The following DNAAF11 variants were observed in gnomAD, a reference collection of about 807,000 sequenced individuals.
DNAAF11 encodes the protein leucine rich repeat containing 6.
A neutral mutation model predicts 60.8 loss-of-function variants in DNAAF11; 45 were observed. The ratio of observed to expected loss-of-function variants is 0.74; its 90% CI spans 0.58 to 0.95. The LOEUF (loss-of-function observed/expected upper bound fraction) is 0.95, where lower values mean the gene tolerates loss of function less well. Among genes scored for constraint, DNAAF11 ranks in the 40% least tolerant of loss-of-function variants. The probability of loss-of-function intolerance (pLI) is 0.00; values close to 1 mark genes in which losing one functional copy is unlikely to be tolerated. For missense variants in DNAAF11, 546 were observed against 546.2 expected (o/e 1.00, Z 0.00); for synonymous variants, 191 against 183.5 (o/e 1.04, Z -0.33).
chr8:132,636,770 T>C (rs781275849), intron 4 of DNAAF11, among the ~76,000 whole-genome samples: 1 of 152,228 alleles, frequency 6.6e-6, no homozygotes. Context: ...GTTTAGGTTA[T>C]GTATGAGACA....
the DNAAF11 span, among the ~76,000 whole-genome samples, chr8:132,688,334 TGCCTAC>T: frequency 9.7e-4 from 148 of 152,348 alleles, no homozygotes; most frequent in Admixed American, 3.3e-3. Flanking sequence ...ATCTTGGCTC[TGCCTAC>T]CTGGCATCCA....
In DNAAF11 at chr8:132,609,576, C is replaced by T. The variant is rs575460420; in HGVS notation, c.1140+590G>A. ...AGAAGTTCCAGAGGAACTTCTGTTT[C>T]ATTGTGATGGGAGAGATTCTCTGTG... On this transcript the variant is annotated intron_variant, in intron 10 of 11. Transcript: ENST00000620350. Among the ~76,000 whole-genome samples, 26 of 152,198 alleles carry T rather than the reference C, an allele frequency of 1.7e-4. 1 individual carries two copies. The highest frequency in any genetic ancestry group is 6.3e-4 in the African/African-American group (26 of 41,530).
chr8:132,584,307 C>T (rs1815652192), intron 10 of DNAAF11, among the ~76,000 whole-genome samples: 1 of 152,140 alleles, frequency 6.6e-6, no homozygotes, highest in African/African-American at 2.4e-5. Flanking sequence ...TAAGTAAGCT[C>T]AGTGCTAAGC....
chr8:132,649,726 T>C (rs1822803819), intron 3 of DNAAF11, among the ~76,000 whole-genome samples: 1 of 152,190 alleles, frequency 6.6e-6, no homozygotes, highest in Admixed American at 6.5e-5. Flanking sequence ...CAGACACTTC[T>C]CAAAAGAAGA....
chr8:132,625,057 C>G (rs762492697), intron 6 of DNAAF11, among the ~76,000 whole-genome samples: 21 of 152,018 alleles, frequency 1.4e-4, no homozygotes, highest in Non-Finnish European at 2.6e-4. Context: ...AAACCTCTAC[C>G]TAAAATGTCA....
At chr8:132,643,546 G>A (rs191166269) in intron 3 of DNAAF11, 10 of 437,034 alleles carry the variant, frequency 2.3e-5, no homozygotes, top group Admixed American at 7.3e-5. Flanking sequence ...AAATGGGTCC[G>A]TATGCCATAT....
chr8:132,640,834 A>C lies in DNAAF11; in HGVS notation c.257-2727T>G, dbSNP rs540749763. 1.0e-3 allele frequency among the ~76,000 whole-genome samples: 154 copies of C among 152,294 alleles called. 6 individuals carry two copies. In the South Asian group the frequency reaches 0.032, roughly 31 times the overall value. ...AAAGAATAGATAAAAGTAGGAAAAG[A>C]AAAGAGGAGTCTGGAACGTCTTGAT... On this transcript the variant is annotated intron_variant, in intron 3 of 11. Coordinates refer to ENST00000620350, the MANE Select transcript of DNAAF11 (RefSeq NM_012472.6).
intron 1 of DNAAF11, among the ~76,000 whole-genome samples, chr8:132,667,176 T>A (rs1824720461): frequency 6.6e-6 from 1 of 152,206 alleles, no homozygotes; most frequent in Non-Finnish European, 1.5e-5. Flanking sequence ...ATGGGATGTG[T>A]AGTGTTGTCA....
At chr8:132,647,682 T>C (rs1181024784) in intron 3 of DNAAF11, among the ~76,000 whole-genome samples, 1 of 151,924 alleles carries the variant, frequency 6.6e-6, no homozygotes, top group Non-Finnish European at 1.5e-5. Flanking sequence ...AAAGGGGATA[T>C]CACCACCGAT....
chr8:132,611,207 T>C, intron 9 of DNAAF11, 87 bp downstream of exon 9: 1 of 982,570 alleles, frequency 1.0e-6, no homozygotes, highest in South Asian at 1.5e-5. Context: ...TTTTCTATTT[T>C]AATAATACTT....
intron 8 of DNAAF11, among the ~76,000 whole-genome samples, chr8:132,611,856 G>A (rs1818701555): frequency 1.3e-5 from 2 of 152,058 alleles, no homozygotes; most frequent in Non-Finnish European, 2.9e-5. Context: ...TGCTGAATAA[G>A]CAAACCCTTC....
chr8:132,628,399 G>A (rs1820488225), intron 5 of DNAAF11, among the ~76,000 whole-genome samples: 1 of 151,830 alleles, frequency 6.6e-6, no homozygotes, highest in Admixed American at 6.6e-5. Context: ...GTGACAGAGT[G>A]AGACTCCATC....
chr8:132,571,895 A>G lies in DNAAF11; in HGVS notation c.*411T>C, dbSNP rs1485753003. 6.4e-6 allele frequency: 1 copy of G among 155,444 alleles called. No homozygotes were observed. Among genetic ancestry groups the G allele is most frequent in the Non-Finnish European group, 1.4e-5 (1 of 70,426 alleles). 9.6% of individuals were successfully genotyped at this position (155,444 alleles called of 1,614,324 possible). A position where few individuals can be genotyped will look rare whatever the true frequency, so the allele number is the denominator to read the frequency against. On this transcript the variant is annotated 3_prime_UTR_variant, in exon 12 of 12. Transcript: ENST00000620350. ...AAGGAAAATGGAAATGCTGTTTAAA[A>G]TCATATTAAAGTATTCCAATTGGGT...
At chr8:132,681,001 T>G in the DNAAF11 span, among the ~76,000 whole-genome samples, 1 of 103,030 alleles carries the variant, frequency 9.7e-6, no homozygotes, top group Non-Finnish European at 1.9e-5. Flanking sequence ...CAATAACTAT[T>G]CCTTTTTTTT....
At chr8:132,615,010 T>A in intron 8 of DNAAF11, 28 bp downstream of exon 8, 1 of 1,461,798 alleles carries the variant, frequency 6.8e-7, no homozygotes, top group Non-Finnish European at 9.5e-7. Flanking sequence ...AGAAATGTCA[T>A]AAATAAATAC....
At chr8:132,584,376 T>G (rs143755999) in intron 10 of DNAAF11, among the ~76,000 whole-genome samples, 1 of 151,094 alleles carries the variant, frequency 6.6e-6, no homozygotes, top group Non-Finnish European at 1.5e-5. Context: ...CAAAAATTAT[T>G]GAGACCCAGT....
intron 11 of DNAAF11, among the ~76,000 whole-genome samples, chr8:132,576,848 C>A (rs2130960429): frequency 6.6e-6 from 1 of 152,242 alleles, no homozygotes; most frequent in Admixed American, 6.5e-5. Flanking sequence ...CCCCCGCATC[C>A]CTTCCCCACC....
In DNAAF11 at chr8:132,609,878, C is replaced by T. The variant is rs567946955; in HGVS notation, c.1140+288G>A. On this transcript the variant is annotated intron_variant, in intron 10 of 11. Coordinates refer to ENST00000620350, the MANE Select transcript of DNAAF11 (RefSeq NM_012472.6). Reference sequence around the variant, plus strand: ...GAAATATCCCAACTCATTCATATGGCCTGTAATGATGAATCCAAGTTCTTT... The same window carrying T: ...GAAATATCCCAACTCATTCATATGGTCTGTAATGATGAATCCAAGTTCTTT... 3.3e-5 allele frequency among the ~76,000 whole-genome samples: 5 copies of T among 152,250 alleles called. No homozygotes were observed. The South Asian group carries it at 1.0e-3, about 32-fold the overall frequency.
chr8:132,630,628 C>T (rs1170579959), intron 5 of DNAAF11, among the ~76,000 whole-genome samples: 4 of 151,936 alleles, frequency 2.6e-5, no homozygotes, highest in East Asian at 3.9e-4. Flanking sequence ...AAGCACATAA[C>T]CACCAAAGAA....
Sources: allele counts gnomAD v4.1 joint callset (sites outside exome capture counted in the v4.1 genomes callset), GRCh38; gene constraint gnomAD v4.1.1; transcripts MANE v1.5; gene names NCBI Gene and HGNC (gene_info 2026-07-23, HGNC 2026-07-21).